The following MDGA2 variants were observed in gnomAD, a reference collection of about 807,000 sequenced individuals.
MDGA2 encodes the protein MAM domain-containing glycosylphosphatidylinositol anchor protein 2.
In MDGA2, 40 loss-of-function variants were observed where a neutral mutation model predicts 117.8. The ratio of observed to expected loss-of-function variants is 0.34; its 90% CI spans 0.26 to 0.44. The LOEUF (loss-of-function observed/expected upper bound fraction) is 0.44. Among genes scored for constraint, MDGA2 ranks in the 20% least tolerant of loss-of-function variants. The pLI is 1.00. For missense variants in MDGA2, 1,123 were observed against 1,250.6 expected, an observed-to-expected ratio of 0.90 and a Z score of 1.54; for synonymous variants, 452 against 439.0, an observed-to-expected ratio of 1.03 and a Z score of -0.37.
intron 1 of MDGA2, among the ~76,000 whole-genome samples, chr14:47,348,416 T>G (rs533480331): frequency 6.6e-6 from 1 of 152,150 alleles, no homozygotes; most frequent in South Asian, 2.1e-4. Context: ...TTCACCATGT[T>G]GGCCAGGCTG....
intron 6 of MDGA2, among the ~76,000 whole-genome samples, chr14:47,093,297 C>T (rs1879775476): frequency 6.6e-6 from 1 of 152,034 alleles, no homozygotes; most frequent in Non-Finnish European, 1.5e-5. Flanking sequence ...TACTACAGAA[C>T]ATTCAAAGAG....
At chr14:47,302,767 A>G (rs1889324121) in intron 1 of MDGA2, among the ~76,000 whole-genome samples, 1 of 152,162 alleles carries the variant, frequency 6.6e-6, no homozygotes, top group Non-Finnish European at 1.5e-5. Flanking sequence ...AATATCTACT[A>G]TTTTGTTTTA....
chr14:47,338,311 G>A (rs1594804701), intron 1 of MDGA2, among the ~76,000 whole-genome samples: 1 of 151,904 alleles, frequency 6.6e-6, no homozygotes, highest in African/African-American at 2.4e-5. Context: ...TAAATATGTA[G>A]CCTCTGAAGA....
chr14:47,275,793 T>C (rs545287657), intron 2 of MDGA2, among the ~76,000 whole-genome samples: 2 of 152,292 alleles, frequency 1.3e-5, no homozygotes, highest in South Asian at 2.1e-4. Flanking sequence ...AAGCGCCCGA[T>C]CATCTTATCT....
In MDGA2 at chr14:47,172,378, G is replaced by A. The variant is rs567806296; in HGVS notation, c.596-28104C>T. Among the ~76,000 whole-genome samples, 20 of 152,132 alleles carry A rather than the reference G, an allele frequency of 1.3e-4. 1 individual carries two copies. Among genetic ancestry groups the A allele is most frequent in the African/African-American group, 4.3e-4 (18 of 41,512 alleles). On this transcript the variant is annotated intron_variant, in intron 3 of 16. Transcript: ENST00000399232. ...GTCCCTGACCCCTGACCCCCGAGAA[G>A]CCTAACTGGGAGGCACCCCCAAGTA...
chr14:46,852,850 C>G (rs1220042455), intron 15 of MDGA2, among the ~76,000 whole-genome samples: 1 of 152,002 alleles, frequency 6.6e-6, no homozygotes, highest in East Asian at 1.9e-4. Context: ...ACTCAACTAT[C>G]TTCCCTGAAA....
rs147996965 is a variant in MDGA2, at chr14:46,939,944, C to G, written c.2089+17430G>C. On this transcript the variant is annotated intron_variant, in intron 9 of 16. Coordinates refer to ENST00000399232, the MANE Select transcript of MDGA2 (RefSeq NM_001113498.3). ...AGCATGACTGAGGCTGAAATCCAGG[C>G]TGTATTACTCTTGCTACGACTCTTA... Among the ~76,000 whole-genome samples the G allele has an allele frequency of 2.7e-3, 409 of 152,252 alleles. 2 individuals carry two copies. Among genetic ancestry groups the G allele is most frequent in the African/African-American group, 9.3e-3 (386 of 41,546 alleles).
intron 1 of MDGA2, among the ~76,000 whole-genome samples, chr14:47,379,888 G>T (rs2138414275): frequency 6.6e-6 from 1 of 152,246 alleles, no homozygotes; most frequent in African/African-American, 2.4e-5. Context: ...GACACCTACA[G>T]AACTCTGCAC....
At chr14:47,395,692 TTATGA>T (rs1891992639) in intron 1 of MDGA2, among the ~76,000 whole-genome samples, 1 of 152,116 alleles carries the variant, frequency 6.6e-6, no homozygotes, top group Non-Finnish European at 1.5e-5. Flanking sequence ...ATATTAATAA[TTATGA>T]TATATTATCA....
chr14:47,035,199 A>C lies in MDGA2; in HGVS notation c.1631T>G (p.Ile544Ser), dbSNP rs775162566. 1 of 1,614,074 alleles carries C rather than the reference A, an allele frequency of 6.2e-7. No individual in the cohort carries two copies. The highest frequency in any genetic ancestry group is 1.1e-5 in the South Asian group (1 of 91,084). Reference sequence around the variant, plus strand: ...TTCTTTATCCGCTCTAGACCAAAGGATGATTGGTTTAGGTTTGCCAGTTAC... The same window carrying C: ...TTCTTTATCCGCTCTAGACCAAAGGCTGATTGGTTTAGGTTTGCCAGTTAC... ...CQVTGKPKPI[I>S]LWSRADKEVA... The change falls in exon 8 of 17, where the codon ATC becomes AGC. Residue 544 changes from isoleucine (I) to serine (S), a missense_variant. Ile to Ser is a moderately radical substitution (Grantham distance 142). This residue lies in a region of MDGA2 where 890 missense variants were observed against 1,050.3 expected (regional missense o/e 0.85). Transcript: ENST00000399232.
intron 9 of MDGA2, among the ~76,000 whole-genome samples, chr14:46,924,412 TAAAAAC>T (rs918000810): frequency 2.0e-5 from 3 of 151,964 alleles, no homozygotes; most frequent in Non-Finnish European, 4.4e-5. Context: ...GATTTTGAAA[TAAAAAC>T]AAAATAAGGT....
chr14:46,912,364 C>A lies in MDGA2; in HGVS notation c.2238+7648G>T, dbSNP rs554626438. 9.2e-5 allele frequency among the ~76,000 whole-genome samples: 14 copies of A among 152,258 alleles called. No individual in the cohort carries two copies. In the South Asian group the frequency reaches 2.5e-3, roughly 27 times the overall value. ...CTGGAAATTCTATTACTACTGTCTT[C>A]AGATGAAAAATTTATGCCTAAATTT... On this transcript the variant is annotated intron_variant, in intron 10 of 16. Coordinates refer to ENST00000399232, the MANE Select transcript of MDGA2 (RefSeq NM_001113498.3).
chr14:47,280,374 T>C (rs1041313627), intron 2 of MDGA2, among the ~76,000 whole-genome samples: 3 of 145,448 alleles, frequency 2.1e-5, no homozygotes, highest in Admixed American at 6.9e-5. Flanking sequence ...ATCTATCTCA[T>C]TACTCAAACA....
chr14:47,346,437 G>T (rs569187232), intron 1 of MDGA2, among the ~76,000 whole-genome samples: 23 of 152,210 alleles, frequency 1.5e-4, no homozygotes, highest in African/African-American at 5.5e-4. Context: ...TAGCCAGTGT[G>T]GGACAGAAAA....
intron 1 of MDGA2, among the ~76,000 whole-genome samples, chr14:47,654,726 C>T (rs1897711249): frequency 6.6e-6 from 1 of 152,024 alleles, no homozygotes; most frequent in Non-Finnish European, 1.5e-5. Context: ...AAACTCATCA[C>T]CAGGGTTAAG....
At chr14:47,547,390 AG>A (rs1418207781) in intron 1 of MDGA2, among the ~76,000 whole-genome samples, 3 of 152,208 alleles carry the variant, frequency 2.0e-5, no homozygotes, top group African/African-American at 7.2e-5. Context: ...GGTGCTCAAC[AG>A]AATCAAAAAC....
At chr14:47,265,237 A>G (rs1294193911) in intron 2 of MDGA2, among the ~76,000 whole-genome samples, 5 of 152,178 alleles carry the variant, frequency 3.3e-5, no homozygotes, top group Non-Finnish European at 7.4e-5. Flanking sequence ...TTTGTAATAC[A>G]GTAAAAGAAT....
chr14:47,163,607 G>A (rs1883734084), intron 3 of MDGA2, among the ~76,000 whole-genome samples: 2 of 152,168 alleles, frequency 1.3e-5, no homozygotes, highest in African/African-American at 2.4e-5. Flanking sequence ...GGAACTGTAA[G>A]TCCAATAAAC....
intron 1 of MDGA2, among the ~76,000 whole-genome samples, chr14:47,558,791 G>C (rs995015856): frequency 3.9e-5 from 6 of 152,010 alleles, no homozygotes; most frequent in Admixed American, 3.9e-4. Context: ...AAAATCTTGG[G>C]GGTGTATTTA....
Sources: allele counts gnomAD v4.1 joint callset (sites outside exome capture counted in the v4.1 genomes callset), GRCh38; gene constraint gnomAD v4.1.1; regional missense constraint gnomAD v4.1.1; transcripts MANE v1.5; gene names NCBI Gene and HGNC (gene_info 2026-07-23, HGNC 2026-07-21).